KIN: variants seen among roughly 807,000 people sequenced by gnomAD.
KIN encodes DNA/RNA-binding protein KIN17.
KIN carries 47 observed loss-of-function variants against 63.0 expected under a neutral mutation model. That is an observed-to-expected ratio of 0.75 (90% CI 0.59 to 0.95). KIN has a LOEUF of 0.95. Ranked by LOEUF, KIN falls within the 40% of genes least tolerant of loss-of-function variation. The pLI, the probability that KIN is intolerant of heterozygous loss-of-function variation, is 0.00. For synonymous variants in KIN, 160 were observed against 157.7 expected, an observed-to-expected ratio of 1.01 and a Z score of -0.11; for missense variants, 408 against 460.9, an observed-to-expected ratio of 0.89 and a Z score of 1.05.
intron 5 of KIN, among the ~76,000 whole-genome samples, chr10:7,776,622 T>G (rs1380943587): frequency 6.6e-6 from 1 of 151,186 alleles, no homozygotes; most frequent in South Asian, 2.1e-4. Flanking sequence ...TCCCAGCTAC[T>G]TGGGAGGCTG....
At chr10:7,767,715 C>T (rs1365843699) in intron 8 of KIN, among the ~76,000 whole-genome samples, 2 of 151,894 alleles carry the variant, frequency 1.3e-5, no homozygotes, top group Non-Finnish European at 2.9e-5. Context: ...AAAAATTAGC[C>T]AGGCATGGTG....
At chr10:7,761,355 C>T (rs1293129896) in intron 11 of KIN, 15 of 152,148 alleles carry the variant, frequency 9.9e-5, no homozygotes. Flanking sequence ...TTGGCAATGA[C>T]ACCCCCAGGA....
intron 8 of KIN, among the ~76,000 whole-genome samples, chr10:7,767,563 A>G (rs1243585637): frequency 1.3e-5 from 2 of 152,156 alleles, no homozygotes; most frequent in African/African-American, 4.8e-5. Context: ...GGAACAGAGA[A>G]GACTAACAGC....
intron 11 of KIN, among the ~76,000 whole-genome samples, chr10:7,761,066 CAG>C (rs1239879694): frequency 1.3e-5 from 2 of 152,018 alleles, no homozygotes; most frequent in African/African-American, 2.4e-5. Flanking sequence ...TCGAGGAAGA[CAG>C]AGGATGCAGG....
chr10:7,780,329 G>C, intron 2 of KIN, 22 bp from the exon 3 acceptor site: 4 of 1,570,750 alleles, frequency 2.5e-6, no homozygotes, highest in Non-Finnish European at 3.5e-6. Flanking sequence ...AGAAAGGAAA[G>C]CATTAAGGTA....
chr10:7,783,753 T>G (rs140458753), intron 1 of KIN, among the ~76,000 whole-genome samples: 1 of 152,280 alleles, frequency 6.6e-6, no homozygotes, highest in South Asian at 2.1e-4. Context: ...TCTTCACTAG[T>G]AATAGAAACA....
chr10:7,762,440 T>A lies in KIN; in HGVS notation c.1018+17A>T, dbSNP rs767412767. ...TTTTGATGGCATATGTATTAAATGG[T>A]CTGCAAACAGATTTACCTGGTGCTG... On this transcript the variant is annotated intron_variant, in intron 11 of 12. Coordinates refer to ENST00000379562, the MANE Select transcript of KIN (RefSeq NM_012311.4). The A allele has an allele frequency of 4.8e-6, 7 of 1,464,658 alleles. No homozygotes were observed. Among genetic ancestry groups the A allele is most frequent in the Non-Finnish European group, 6.7e-6 (7 of 1,049,396 alleles). The allele number at this position is 1,464,658 out of a possible 1,614,324, so 90.7% of individuals were successfully genotyped here. A position where few individuals can be genotyped will look rare whatever the true frequency, so the allele number is the denominator to read the frequency against.
chr10:7,781,587 T>TCTACACACACACACACAC (rs71515486), intron 2 of KIN, among the ~76,000 whole-genome samples: 24 of 140,718 alleles, frequency 1.7e-4, no homozygotes, highest in African/African-American at 6.3e-4. Flanking sequence ...ACCCTGTCTC[T>TCTACACACACACACACAC]ACACACACAC....
intron 2 of KIN, among the ~76,000 whole-genome samples, chr10:7,781,750 CAAAAAA>C (rs34969604): frequency 8.8e-5 from 6 of 67,982 alleles, no homozygotes; most frequent in South Asian, 5.5e-4. Context: ...AAGACCCTGT[CAAAAAA>C]AAAAAAAAAA....
At position 7,777,614 on chromosome 10, in the gene KIN, G is replaced by A. The variant is rs149909742; in HGVS notation, c.558+1224C>T. On this transcript the variant is annotated intron_variant, in intron 5 of 12. Transcript: ENST00000379562. Reference sequence around the variant, plus strand: ...ACAAGTGTTAGAATGTAAGCCACAGGAGGCAGGGCGTGGTGGCTCACGCCT... The same window carrying A: ...ACAAGTGTTAGAATGTAAGCCACAGAAGGCAGGGCGTGGTGGCTCACGCCT... Among the ~76,000 whole-genome samples, 766 of 152,310 alleles carry A rather than the reference G, an allele frequency of 5.0e-3. 14 individuals carry two copies. The highest frequency in any genetic ancestry group is 0.018 in the African/African-American group (743 of 41,570).
chr10:7,785,237 T>G (rs1369994632), intron 1 of KIN, among the ~76,000 whole-genome samples: 4 of 148,292 alleles, frequency 2.7e-5, no homozygotes, highest in Middle Eastern at 3.4e-3. Context: ...GGGCTACCAA[T>G]TGAGACCTTG....
In KIN at chr10:7,766,107, T is replaced by C; in HGVS notation, c.799-4A>G. The C allele has an allele frequency of 6.2e-7, 1 of 1,600,512 alleles. No homozygotes were observed. Among genetic ancestry groups the C allele is most frequent in the Non-Finnish European group, 8.6e-7 (1 of 1,169,146 alleles). On this transcript the variant is annotated splice_polypyrimidine_tract_variant and splice_region_variant and intron_variant, in intron 8 of 12. Coordinates refer to ENST00000379562, the MANE Select transcript of KIN (RefSeq NM_012311.4). ...TTCTTTTCTTTTCCTCTTCAATCTG[T>C]AGAACACATAATGTCTTAAATTATC...
chr10:7,764,951 G>A (rs1835511802), intron 9 of KIN, among the ~76,000 whole-genome samples: 1 of 152,002 alleles, frequency 6.6e-6, no homozygotes. Flanking sequence ...CCTGAGGTCT[G>A]GAGTTCGAGA....
At chr10:7,770,044 C>T (rs1052362391) in intron 7 of KIN, among the ~76,000 whole-genome samples, 1 of 152,132 alleles carries the variant, frequency 6.6e-6, no homozygotes, top group Admixed American at 6.5e-5. Context: ...GATTCTCGTG[C>T]CTCAGCCTCC....
intron 5 of KIN, among the ~76,000 whole-genome samples, chr10:7,777,635 C>T (rs938777140): frequency 1.3e-5 from 2 of 151,450 alleles, no homozygotes; most frequent in Non-Finnish European, 2.9e-5. Flanking sequence ...TGGTGGCTCA[C>T]GCCTGTAATC....
intron 1 of KIN, among the ~76,000 whole-genome samples, chr10:7,784,864 T>G (rs960579047): frequency 6.6e-6 from 1 of 152,212 alleles, no homozygotes; most frequent in Admixed American, 6.5e-5. Context: ...CTAATATTAT[T>G]TACAAGCTGT....
intron 5 of KIN, among the ~76,000 whole-genome samples, chr10:7,777,072 A>T (rs1182395874): frequency 6.6e-6 from 1 of 150,450 alleles, no homozygotes; most frequent in Non-Finnish European, 1.5e-5. Flanking sequence ...AAAAAAAAAA[A>T]AAAAATAGAA....
intron 7 of KIN, among the ~76,000 whole-genome samples, chr10:7,772,762 T>C (rs1439755415): frequency 2.0e-5 from 3 of 152,046 alleles, no homozygotes; most frequent in African/African-American, 7.3e-5. Context: ...ACTTATCAAA[T>C]AAATTATCAA....
At chr10:7,767,702 AT>A (rs1172133831) in intron 8 of KIN, among the ~76,000 whole-genome samples, 1 of 151,984 alleles carries the variant, frequency 6.6e-6, no homozygotes, top group East Asian at 1.9e-4. Flanking sequence ...TACTAAAAAT[AT>A]AAAAAATTAG....
Sources: gnomAD v4.1 joint callset for allele counts (sites outside exome capture counted in the v4.1 genomes callset) on GRCh38, gnomAD v4.1.1 for gene constraint, MANE v1.5 for transcripts, NCBI Gene and HGNC (gene_info 2026-07-23, HGNC 2026-07-21) for gene names.